POLR3H: variants seen among roughly 807,000 people sequenced by gnomAD.
The protein encoded by POLR3H is RNA polymerase III subunit H.
A neutral mutation model predicts 25.5 loss-of-function variants in POLR3H; 17 were observed. That is an observed-to-expected ratio of 0.67 (90% CI 0.46 to 1.00). POLR3H has a LOEUF of 1.00. POLR3H is among the 50% of genes least tolerant of loss of function. The pLI is 0.00. For missense variants in POLR3H, 274 were observed against 265.0 expected (o/e 1.03, Z -0.24); for synonymous variants, 129 against 103.0 (o/e 1.25, Z -1.53).
chr22:41,540,399 C>A (rs2066910219), intron 2 of POLR3H: 1 of 417,544 alleles, frequency 2.4e-6, no homozygotes, highest in African/African-American at 2.0e-5. Flanking sequence ...GCCGCTGTCA[C>A]CGGGTCAATT....
chr22:41,530,300 T>G (rs1217639080), intron 5 of POLR3H, among the ~76,000 whole-genome samples: 1 of 151,406 alleles, frequency 6.6e-6, no homozygotes, highest in South Asian at 2.1e-4. Context: ...TAGAGACAAC[T>G]TCTCACTTTT....
intron 2 of POLR3H, among the ~76,000 whole-genome samples, chr22:41,535,832 G>A (rs1453350256): frequency 1.3e-5 from 2 of 152,154 alleles, no homozygotes; most frequent in East Asian, 3.9e-4. Flanking sequence ...AATTAGCCGA[G>A]CATGGTGGTG....
chr22:41,532,140 CGAA>C lies in POLR3H; in HGVS notation c.310_312del (p.Phe104del). The C allele has an allele frequency of 6.2e-7, 1 of 1,614,066 alleles. No homozygotes were observed. The highest frequency in any genetic ancestry group is 8.5e-7 in the Non-Finnish European group (1 of 1,179,992). On this transcript the variant is annotated inframe_deletion, in exon 4 of 6. Coordinates refer to ENST00000355209, the MANE Select transcript of POLR3H (RefSeq NM_001018050.4). The stretch of plus-strand genomic sequence containing the variant: ...GACTCTGGGGGGATGAGAATGTCAT[CGAA>C]GAAGCCTAGAGAGACTGGAAGGAAG...
intron 2 of POLR3H, among the ~76,000 whole-genome samples, chr22:41,536,866 CAAA>C (rs576432041): frequency 5.4e-5 from 3 of 55,622 alleles, no homozygotes; most frequent in Admixed American, 2.0e-4. Context: ...GACTCTGTCT[CAAA>C]AAAAAAAAAA....
chr22:41,541,353 C>T (rs1015473283), intron 1 of POLR3H, among the ~76,000 whole-genome samples: 18 of 152,172 alleles, frequency 1.2e-4, no homozygotes, highest in Admixed American at 7.9e-4. Context: ...GACACACAGA[C>T]GCAGCCACAG....
intron 2 of POLR3H, among the ~76,000 whole-genome samples, chr22:41,534,216 C>T (rs745306040): frequency 6.6e-6 from 1 of 152,114 alleles, no homozygotes; most frequent in Non-Finnish European, 1.5e-5. Flanking sequence ...GGGGGTGGGA[C>T]AGCACATGAT....
In POLR3H at chr22:41,527,768, C is replaced by G. The variant is rs1017197123; in HGVS notation, c.*1515G>C. 8 of 1,456,948 alleles carry G rather than the reference C, an allele frequency of 5.5e-6. No individual in the cohort carries two copies. In the Middle Eastern group the frequency reaches 5.4e-4, roughly 98 times the overall value. The allele number at this position is 1,456,948 out of a possible 1,614,324, so 90.3% of individuals were successfully genotyped here. The stretch of plus-strand genomic sequence containing the variant: ...CTAGTGAAAGGGAGCAGACCAGGGC[C>G]CCATAGTCACTGCCCGGGCATTGTC... On this transcript the variant is annotated 3_prime_UTR_variant, in exon 6 of 6. Coordinates refer to ENST00000355209, the MANE Select transcript of POLR3H (RefSeq NM_001018050.4).
At chr22:41,536,969 T>C (rs1170074433) in intron 2 of POLR3H, among the ~76,000 whole-genome samples, 1 of 151,630 alleles carries the variant, frequency 6.6e-6, no homozygotes, top group East Asian at 1.9e-4. Context: ...AATATAACAT[T>C]TAAAAATGTT....
Position 41,527,509 on chromosome 22 carries a change from T to C in POLR3H, c.*1774A>G. On this transcript the variant is annotated 3_prime_UTR_variant, in exon 6 of 6. Coordinates refer to ENST00000355209, the MANE Select transcript of POLR3H (RefSeq NM_001018050.4). ...TGCCCGTGGCTGAGTTGGGCCTGGT[T>C]CTAGGCTGTGTCCACTGCAGCCCAC... The C allele has an allele frequency of 6.6e-7, 1 of 1,516,574 alleles. No homozygotes were observed. Among genetic ancestry groups the C allele is most frequent in the Non-Finnish European group, 8.8e-7 (1 of 1,131,082 alleles). 93.9% of individuals were successfully genotyped at this position (1,516,574 alleles called of 1,614,324 possible). A position where few individuals can be genotyped will look rare whatever the true frequency, so the allele number is the denominator to read the frequency against.
intron 2 of POLR3H, among the ~76,000 whole-genome samples, chr22:41,538,539 C>T (rs9623415): frequency 0.039 from 5,981 of 152,196 alleles, 381 homozygotes; most frequent in African/African-American, 0.13. Flanking sequence ...GGATTACAAG[C>T]GTGAGCCACC....
chr22:41,526,976 C>T lies in POLR3H; in HGVS notation c.*2307G>A, dbSNP rs933506904. ...TCACAGATGCATCTTGTGTGGGGCC[C>T]GGAGGCCGTCCCTGTCTCACCCAAC... On this transcript the variant is annotated 3_prime_UTR_variant, in exon 6 of 6. Coordinates refer to ENST00000355209, the MANE Select transcript of POLR3H (RefSeq NM_001018050.4). 6 of 462,328 alleles carry T rather than the reference C, an allele frequency of 1.3e-5. No individual in the cohort carries two copies. Among genetic ancestry groups the T allele is most frequent in the Middle Eastern group, 5.9e-4 (1 of 1,704 alleles). 28.6% of individuals were successfully genotyped at this position (462,328 alleles called of 1,614,324 possible).
rs1034180956 is a variant in POLR3H, at chr22:41,528,439, G to C, written c.*844C>G. On this transcript the variant is annotated 3_prime_UTR_variant, in exon 6 of 6. Coordinates refer to ENST00000355209, the MANE Select transcript of POLR3H (RefSeq NM_001018050.4). ...CCCCCTGCGGGGCCAAGGGCACACA[G>C]TACCCACCACTTCCACCCACACCCA... The C allele has an allele frequency of 3.7e-6, 6 of 1,606,414 alleles. No homozygotes were observed. The highest frequency in any genetic ancestry group is 5.1e-6 in the Non-Finnish European group (6 of 1,177,410).
chr22:41,532,690 C>A lies in POLR3H; in HGVS notation c.264G>T (p.Lys88Asn), dbSNP rs2145547146. ...CTCCTTCTGGGCTGCAGCCTTTGAT[C>A]TTCCCAATGAGAATCTCATCTAGGA... ...HPFLDEILIG[K>N]IKGCSPEGVH... The change falls in exon 3 of 6, where the codon AAG (lysine) becomes AAT (asparagine). Residue 88 changes from lysine to asparagine, a missense_variant. By Grantham distance (94) the Lys-to-Asn change is moderately conservative. Transcript: ENST00000355209. 18 of 1,614,104 alleles carry A rather than the reference C, an allele frequency of 1.1e-5. No homozygotes were observed. The highest frequency in any genetic ancestry group is 1.5e-5 in the Non-Finnish European group (18 of 1,179,994).
rs925101759 is a variant in POLR3H at position 41,528,075 on chromosome 22, T to G, written c.*1208A>C. On this transcript the variant is annotated 3_prime_UTR_variant, in exon 6 of 6. Transcript: ENST00000355209. ...GTGGGGTGAGGGGCAGCCACCTTGT[T>G]TCCCCTCCTGCACTGGCCCCAGGGT... 1 of 1,612,060 alleles carries G rather than the reference T, an allele frequency of 6.2e-7. No homozygotes were observed. Among genetic ancestry groups the G allele is most frequent in the African/African-American group, 1.3e-5 (1 of 74,966 alleles).
At chr22:41,531,938 G>A (rs942790432) in intron 4 of POLR3H, among the ~76,000 whole-genome samples, 156 bp downstream of exon 4, 2 of 152,216 alleles carry the variant, frequency 1.3e-5, no homozygotes, top group African/African-American at 2.4e-5. Flanking sequence ...GGCACAGACA[G>A]GCTGGTGCCT....
At position 41,529,354 on chromosome 22, in the gene POLR3H, C is replaced by T. The variant is rs753338451; in HGVS notation, c.562-18G>A. 1.9e-6 allele frequency: 3 copies of T among 1,612,816 alleles called. No homozygotes were observed. The highest frequency in any genetic ancestry group is 2.2e-5 in the East Asian group (1 of 44,860). On this transcript the variant is annotated intron_variant, in intron 5 of 5. Transcript: ENST00000355209. ...ATGGATCCCTGCCAGGGATAAAGAA[C>T]ACGCACATTTCACTGACATGCTGGC...
rs751368781 is a variant in POLR3H at position 41,530,802 on chromosome 22, CG to C, written c.445del (p.Arg149AlafsTer95). 6.2e-7 allele frequency: 1 copy of C among 1,614,136 alleles called. No homozygotes were observed. Among genetic ancestry groups the C allele is most frequent in the Non-Finnish European group, 8.5e-7 (1 of 1,180,038 alleles). On this transcript the variant is annotated frameshift_variant, in exon 5 of 6. Coordinates refer to ENST00000355209, the MANE Select transcript of POLR3H (RefSeq NM_001018050.4). LOFTEE classifies it high-confidence loss of function. ...DLYMDTGEEI[R>X]FRVVDESFVD... Reference sequence around the variant, plus strand: ...AAAGCTCTCGTCCACCACCCGGAAGCGGATCTCCTCGCCGGTGTCCATGTAG... The same window carrying C: ...AAAGCTCTCGTCCACCACCCGGAAGCGATCTCCTCGCCGGTGTCCATGTAG...
Position 41,528,253 on chromosome 22 carries a change from G to A in POLR3H, c.*1030C>T, listed in dbSNP as rs929568864. ...ACCTCCCTTTACTCACCAGGACCTG[G>A]CACTCAGGGGACAGCCCACCCACTG... On this transcript the variant is annotated 3_prime_UTR_variant, in exon 6 of 6. Coordinates refer to ENST00000355209, the MANE Select transcript of POLR3H (RefSeq NM_001018050.4). The A allele has an allele frequency of 6.0e-6, 5 of 829,456 alleles. No individual in the cohort carries two copies. Among genetic ancestry groups the A allele is most frequent in the African/African-American group, 5.2e-5 (3 of 57,832 alleles). The allele number at this position is 829,456 out of a possible 1,614,324, so 51.4% of individuals were successfully genotyped here.
chr22:41,527,588 T>C lies in POLR3H; in HGVS notation c.*1695A>G. On this transcript the variant is annotated 3_prime_UTR_variant, in exon 6 of 6. Coordinates refer to ENST00000355209, the MANE Select transcript of POLR3H (RefSeq NM_001018050.4). ...GGCTCACACAGTGCACATCCGACGC[T>C]CAGCTTCCCGGCTTCCCGCAGGCCC... is the stretch of plus-strand genomic sequence containing the variant. 1 of 1,008,598 alleles carries C rather than the reference T, an allele frequency of 9.9e-7. No individual in the cohort carries two copies. 62.5% of individuals were successfully genotyped at this position (1,008,598 alleles called of 1,614,324 possible).
Sources: allele counts gnomAD v4.1 joint callset (sites outside exome capture counted in the v4.1 genomes callset), GRCh38; gene constraint gnomAD v4.1.1; transcripts MANE v1.5; gene names NCBI Gene and HGNC (gene_info 2026-07-23, HGNC 2026-07-21).